The following SHANK2 variants were observed in gnomAD, a reference collection of about 807,000 sequenced individuals.
SHANK2 encodes the protein SH3 and multiple ankyrin repeat domains protein 2.
In SHANK2, 43 loss-of-function variants were observed where a neutral mutation model predicts 133.7. The observed-to-expected ratio is 0.32, with a 90% CI of 0.25 to 0.41. The LOEUF (loss-of-function observed/expected upper bound fraction) is 0.41, where lower values mean the gene tolerates loss of function less well. SHANK2 is among the 10% of genes least tolerant of loss of function. SHANK2 has a pLI of 1.00. For missense variants in SHANK2, 1,994 were observed against 2,235.8 expected, an observed-to-expected ratio of 0.89 and a Z score of 2.18; for synonymous variants, 1,017 against 952.8, an observed-to-expected ratio of 1.07 and a Z score of -1.24.
At chr11:70,913,753 C>T (rs1950227906) in intron 10 of SHANK2, among the ~76,000 whole-genome samples, 1 of 152,162 alleles carries the variant, frequency 6.6e-6, no homozygotes, top group Non-Finnish European at 1.5e-5. Flanking sequence ...CCTAAAAAGG[C>T]ATCCTCTCCA....
chr11:71,098,562 A>G (rs139794447), intron 6 of SHANK2, among the ~76,000 whole-genome samples: 31 of 152,304 alleles, frequency 2.0e-4, no homozygotes, highest in African/African-American at 7.0e-4. Context: ...CAGGTGTAGG[A>G]ATCAACCTCG....
At chr11:70,504,821 C>A (rs1205974739) in intron 17 of SHANK2, among the ~76,000 whole-genome samples, 2 of 152,124 alleles carry the variant, frequency 1.3e-5, no homozygotes, top group African/African-American at 4.8e-5. Flanking sequence ...CCTCAGCTTG[C>A]AGGACCCTCG....
intron 17 of SHANK2, among the ~76,000 whole-genome samples, chr11:70,505,536 C>T (rs1350291757): frequency 1.3e-5 from 2 of 152,044 alleles, no homozygotes; most frequent in African/African-American, 4.8e-5. Context: ...GAGGGGAGGA[C>T]TCGGCCCCAC....
intron 14 of SHANK2, among the ~76,000 whole-genome samples, chr11:70,763,894 A>T (rs1555040746): frequency 6.6e-6 from 1 of 152,180 alleles, no homozygotes; most frequent in African/African-American, 2.4e-5. Context: ...CTCAGCATCA[A>T]CCACACTATT....
chr11:70,706,441 T>C (rs565677804), intron 14 of SHANK2, among the ~76,000 whole-genome samples: 6 of 152,248 alleles, frequency 3.9e-5, no homozygotes, highest in Non-Finnish European at 7.4e-5. Flanking sequence ...GCTGGATGAT[T>C]ACAGCTCCAG....
At chr11:70,746,742 G>A (rs1946646112) in intron 14 of SHANK2, among the ~76,000 whole-genome samples, 1 of 152,072 alleles carries the variant, frequency 6.6e-6, no homozygotes. Context: ...GTGGCCTTGG[G>A]TGACTCTTCT....
At chr11:70,899,264 A>G (rs1231753996) in intron 10 of SHANK2, among the ~76,000 whole-genome samples, 1 of 152,062 alleles carries the variant, frequency 6.6e-6, no homozygotes, top group Non-Finnish European at 1.5e-5. Flanking sequence ...CGTGATAGTG[A>G]GTGAGTTCTC....
chr11:71,148,376 G>T (rs782084237), intron 2 of SHANK2, among the ~76,000 whole-genome samples: 10 of 152,216 alleles, frequency 6.6e-5, no homozygotes, highest in Non-Finnish European at 1.2e-4. Context: ...GAGCCACCGT[G>T]CCTGGCCAGA....
At chr11:70,840,570 G>A (rs76934544) in intron 11 of SHANK2, among the ~76,000 whole-genome samples, 1 of 152,170 alleles carries the variant, frequency 6.6e-6, no homozygotes, top group African/African-American at 2.4e-5. Flanking sequence ...AAAAGGTGGA[G>A]ACCTGGGAGG....
At chr11:70,917,360 C>A (rs377020956) in intron 10 of SHANK2, among the ~76,000 whole-genome samples, 37 of 152,238 alleles carry the variant, frequency 2.4e-4, no homozygotes, top group African/African-American at 6.7e-4. Flanking sequence ...AGTCAAAAGA[C>A]AACAGATGCT....
In SHANK2 at chr11:70,490,348, T is replaced by C. The variant is rs1645081327; in HGVS notation, c.2479A>G (p.Thr827Ala). Residue 827 changes from threonine to alanine, a missense_variant, in exon 23 of 26, where the codon ACT becomes GCT. Coordinates refer to ENST00000601538, the MANE Select transcript of SHANK2 (RefSeq NM_012309.5). The part of the protein sequence containing the change: ...ERQGIAVMTP[T>A]VPGSPKAPFL... ...GGGGCTTTTGGGCTCCCAGGAACAG[T>C]GGGCGTCATCACGGCGATTCCTTGG... is the stretch of plus-strand genomic sequence containing the variant. 3.7e-6 allele frequency: 6 copies of C among 1,614,168 alleles called. No individual in the cohort carries two copies. The highest frequency in any genetic ancestry group is 5.1e-6 in the Non-Finnish European group (6 of 1,180,010).
At chr11:71,250,231 T>A (rs563745167) in intron 1 of SHANK2, among the ~76,000 whole-genome samples, 1 of 152,294 alleles carries the variant, frequency 6.6e-6, no homozygotes, top group Non-Finnish European at 1.5e-5. Context: ...TTACCTTTGA[T>A]ACTTGAATTC....
chr11:70,823,107 C>G (rs1457309933), intron 11 of SHANK2, among the ~76,000 whole-genome samples: 3 of 11,244 alleles, frequency 2.7e-4, no homozygotes, highest in Non-Finnish European at 2.9e-4. Flanking sequence ...GCTGGCAGAG[C>G]TCACGGGGGA....
At chr11:70,709,857 G>C (rs546954836) in intron 14 of SHANK2, among the ~76,000 whole-genome samples, 1 of 152,176 alleles carries the variant, frequency 6.6e-6, no homozygotes, top group South Asian at 2.1e-4. Flanking sequence ...CCAGCCGCAG[G>C]CCTCAGGTCA....
intron 14 of SHANK2, among the ~76,000 whole-genome samples, chr11:70,734,818 G>A (rs1028727977): frequency 2.6e-5 from 4 of 152,320 alleles, no homozygotes; most frequent in African/African-American, 9.6e-5. Context: ...AACCACCTGA[G>A]CGATGAGGAC....
intron 17 of SHANK2, among the ~76,000 whole-genome samples, chr11:70,599,881 AAGAAAGAAAAAG>A (rs1477723943): frequency 1.0e-5 from 1 of 97,258 alleles, no homozygotes; most frequent in Non-Finnish European, 2.0e-5. Context: ...GAAAGAAAGA[AAGAAAGAAAAAG>A]AAAGAAAGAA....
At chr11:70,823,138 C>G (rs9735406) in intron 11 of SHANK2, among the ~76,000 whole-genome samples, 2 of 2,540 alleles carry the variant, frequency 7.9e-4, no homozygotes, top group African/African-American at 6.3e-3. Context: ...GCTGGCAGAG[C>G]TCACGGGGGA....
rs2058627233 is a variant in SHANK2, at chr11:70,473,716, C to T, written c.4980-277G>A. 3 of 527,250 alleles carry T rather than the reference C, an allele frequency of 5.7e-6. No homozygotes were observed. The highest frequency in any genetic ancestry group is 2.6e-5 in the Admixed American group (1 of 37,740). 32.7% of individuals were successfully genotyped at this position (527,250 alleles called of 1,614,324 possible). A position where few individuals can be genotyped will look rare whatever the true frequency, so the allele number is the denominator to read the frequency against. ...GGACCTGCCTGTGCTGGGGGGAGCA[C>T]ACCACGTCAGCCCACTCACCTGAAC... On this transcript the variant is annotated intron_variant, in intron 25 of 25. Transcript: ENST00000601538. The surrounding 1 kb of genome is among the most constrained non-coding windows in gnomAD (Gnocchi z 5.9).
intron 2 of SHANK2, among the ~76,000 whole-genome samples, chr11:71,179,413 T>C (rs2135539861): frequency 6.6e-6 from 1 of 152,294 alleles, no homozygotes; most frequent in Middle Eastern, 3.4e-3. Flanking sequence ...CTAACACAGA[T>C]TCAGGATAAA....
Sources: allele counts gnomAD v4.1 joint callset (sites outside exome capture counted in the v4.1 genomes callset), GRCh38; gene constraint gnomAD v4.1.1; non-coding constraint Gnocchi (gnomAD v3.1); transcripts MANE v1.5; gene names NCBI Gene and HGNC (gene_info 2026-07-23, HGNC 2026-07-21).